ETV6: variants seen among roughly 807,000 people sequenced by gnomAD.
ETV6 encodes transcription factor ETV6.
ETV6 carries 16 observed loss-of-function variants against 51.1 expected under a neutral mutation model. The observed-to-expected ratio is 0.31, with a 90% CI of 0.21 to 0.48. ETV6 has a LOEUF of 0.48. Ranked by LOEUF, ETV6 falls within the 20% of genes least tolerant of loss-of-function variation. ETV6 has a pLI of 0.99. For missense variants in ETV6, 458 were observed against 594.8 expected (o/e 0.77, Z 2.39); for synonymous variants, 240 against 224.1 (o/e 1.07, Z -0.64).
intron 1 of ETV6, among the ~76,000 whole-genome samples, chr12:11,711,035 T>G (rs1865163565): frequency 6.6e-6 from 1 of 152,130 alleles, no homozygotes; most frequent in African/African-American, 2.4e-5. Context: ...ATTTGGCACT[T>G]CCTCTCCCTC....
intron 3 of ETV6, among the ~76,000 whole-genome samples, chr12:11,843,584 C>G (rs932681492): frequency 6.6e-6 from 1 of 152,168 alleles, no homozygotes; most frequent in Non-Finnish European, 1.5e-5. Context: ...TCTATGCTCT[C>G]TATATATGGA....
At chr12:11,801,558 G>A (rs1945749451) in intron 2 of ETV6, among the ~76,000 whole-genome samples, 1 of 152,224 alleles carries the variant, frequency 6.6e-6, no homozygotes, top group Non-Finnish European at 1.5e-5. Context: ...ACACAGTCAC[G>A]CAGGCATTTG....
At chr12:11,736,337 A>C (rs991771419) in intron 1 of ETV6, among the ~76,000 whole-genome samples, 1 of 152,204 alleles carries the variant, frequency 6.6e-6, no homozygotes, top group African/African-American at 2.4e-5. Context: ...TTTTTAGTCT[A>C]ACTGGGAGAG....
At chr12:11,762,143 C>T (rs1945094405) in intron 2 of ETV6, among the ~76,000 whole-genome samples, 1 of 152,186 alleles carries the variant, frequency 6.6e-6, no homozygotes, top group Non-Finnish European at 1.5e-5. Flanking sequence ...GGTGCCAGCT[C>T]CTAGGCCTTG....
chr12:11,764,167 A>C (rs767685612), intron 2 of ETV6, among the ~76,000 whole-genome samples: 36 of 152,236 alleles, frequency 2.4e-4, no homozygotes, highest in Admixed American at 1.6e-3. Flanking sequence ...ATCTTAATGA[A>C]AATTAGCTTA....
At chr12:11,878,776 C>A (rs1406604665) in intron 5 of ETV6, among the ~76,000 whole-genome samples, 1 of 148,462 alleles carries the variant, frequency 6.7e-6, no homozygotes, top group Non-Finnish European at 1.5e-5. Context: ...ACTGGATTGA[C>A]CAACTTTCTG....
At chr12:11,692,028 C>T (rs1406788050) in intron 1 of ETV6, among the ~76,000 whole-genome samples, 2 of 152,166 alleles carry the variant, frequency 1.3e-5, no homozygotes, top group African/African-American at 4.8e-5. Context: ...GAGTATTTGT[C>T]TCCTCCAAAA....
rs1232244397 is a variant in ETV6 at position 11,885,901 on chromosome 12, C to T, written c.1153-25C>T. 3.9e-6 allele frequency: 6 copies of T among 1,553,878 alleles called. No individual in the cohort carries two copies. The Admixed American group carries it at 7.0e-5, about 18-fold the overall frequency. The stretch of plus-strand genomic sequence containing the variant: ...TTCATTGTGTCTTTGTGCTTTTTTT[C>T]TCCCTTCCTCCTTTGAACAAACAGA... On this transcript the variant is annotated intron_variant, in intron 6 of 7. Coordinates refer to ENST00000396373, the MANE Select transcript of ETV6 (RefSeq NM_001987.5).
intron 2 of ETV6, among the ~76,000 whole-genome samples, chr12:11,818,338 C>T (rs772193333): frequency 7.2e-5 from 11 of 151,924 alleles, no homozygotes; most frequent in Non-Finnish European, 1.5e-4. Context: ...GCCAACATGG[C>T]GAAACCCCAT....
chr12:11,764,009 C>T (rs774518610), intron 2 of ETV6, among the ~76,000 whole-genome samples: 2 of 152,208 alleles, frequency 1.3e-5, no homozygotes, highest in Non-Finnish European at 2.9e-5. Context: ...ATATCTCCCA[C>T]GATGAATGAC....
At chr12:11,728,563 C>A (rs974560737) in intron 1 of ETV6, among the ~76,000 whole-genome samples, 1 of 152,188 alleles carries the variant, frequency 6.6e-6, no homozygotes, top group Non-Finnish European at 1.5e-5. Context: ...CCTCTGCCCC[C>A]AGTCCGTGGA....
intron 1 of ETV6, among the ~76,000 whole-genome samples, chr12:11,651,427 A>G (rs1213688078): frequency 2.6e-5 from 4 of 152,320 alleles, no homozygotes; most frequent in Admixed American, 6.5e-5. Flanking sequence ...GGTGTTTCTT[A>G]TCAGAAAAGA....
chr12:11,649,913 G>C lies in ETV6; in HGVS notation c.-215G>C, dbSNP rs1400087527. The C allele has an allele frequency of 1.0e-5, 2 of 199,808 alleles. No individual in the cohort carries two copies. The highest frequency in any genetic ancestry group is 2.1e-4 in the East Asian group (2 of 9,458). 12.4% of individuals were successfully genotyped at this position (199,808 alleles called of 1,614,324 possible). ...AGACCCCGCCGCCGCGCTCGGGCCC[G>C]TCTCCCACGCCCCCGCCGCCCCGCG... On this transcript the variant is annotated 5_prime_UTR_variant, in exon 1 of 8. Transcript: ENST00000396373.
At chr12:11,711,767 G>T (rs963211088) in intron 1 of ETV6, among the ~76,000 whole-genome samples, 35 of 152,208 alleles carry the variant, frequency 2.3e-4, no homozygotes, top group African/African-American at 8.4e-4. Flanking sequence ...TTCGTCTGAA[G>T]TCATGATTTG....
intron 2 of ETV6, among the ~76,000 whole-genome samples, chr12:11,789,118 T>C (rs754443427): frequency 4.6e-5 from 7 of 152,142 alleles, no homozygotes; most frequent in Non-Finnish European, 4.4e-5. Context: ...CTGCAACCTC[T>C]GCCTCTCAGG....
At chr12:11,652,429 T>G (rs1456320723) in intron 1 of ETV6, among the ~76,000 whole-genome samples, 4 of 152,208 alleles carry the variant, frequency 2.6e-5, no homozygotes, top group Non-Finnish European at 5.9e-5. Flanking sequence ...ATAAAAAATG[T>G]TTGCTGGTAA....
rs547345093 is a variant in ETV6, at chr12:11,888,255, T to G, written c.1253+2229T>G. On this transcript the variant is annotated intron_variant, in intron 7 of 7. Coordinates refer to ENST00000396373, the MANE Select transcript of ETV6 (RefSeq NM_001987.5). ...TTTTGCCTTTTTAATACCTACACCCTCAAGGCTCAACCTCAAGTCTGTTGC... is the reference window on the plus strand; with the variant it reads ...TTTTGCCTTTTTAATACCTACACCCGCAAGGCTCAACCTCAAGTCTGTTGC... Among the ~76,000 whole-genome samples the G allele has an allele frequency of 2.6e-5, 4 of 152,240 alleles. No individual in the cohort carries two copies. The East Asian group carries it at 7.7e-4, about 29-fold the overall frequency.
At position 11,869,750 on chromosome 12, in the gene ETV6, C is replaced by T. The variant is rs745867456; in HGVS notation, c.790C>T (p.Arg264Cys). 4.3e-6 allele frequency: 7 copies of T among 1,613,680 alleles called. No homozygotes were observed. The highest frequency in any genetic ancestry group is 2.2e-5 in the South Asian group (2 of 91,076). ...ATCCAGCCCCCGGCAGGAGAGCACA[C>T]GCGTGATCCAGCTGATGCCCAGCCC... ...KPSSPRQEST[R>C]VIQLMPSPIM... is the part of the protein sequence containing the mutation. The change falls in exon 5 of 8, where the codon CGC becomes TGC. Residue 264 changes from arginine to cysteine, a missense_variant. By Grantham distance (180) the Arg-to-Cys change is radical. Transcript: ENST00000396373. The surrounding 1 kb of genome is among the most constrained non-coding windows in gnomAD (Gnocchi z 5.0).
chr12:11,811,533 T>C (rs574291319), intron 2 of ETV6, among the ~76,000 whole-genome samples: 1 of 152,338 alleles, frequency 6.6e-6, no homozygotes, highest in South Asian at 2.1e-4. Flanking sequence ...AGATGGCTCA[T>C]TAAGCTCTTG....
Sources: allele counts gnomAD v4.1 joint callset (sites outside exome capture counted in the v4.1 genomes callset), GRCh38; gene constraint gnomAD v4.1.1; non-coding constraint Gnocchi (gnomAD v3.1); transcripts MANE v1.5; gene names NCBI Gene and HGNC (gene_info 2026-07-23, HGNC 2026-07-21).